The following INVS variants were observed in gnomAD, a reference collection of about 807,000 sequenced individuals.
INVS encodes inversion of embryo turning homolog.
In INVS, 86 loss-of-function variants were observed where a neutral mutation model predicts 108.8. That is an observed-to-expected ratio of 0.79 (90% CI 0.66 to 0.95). The LOEUF is 0.95. INVS is among the 40% of genes least tolerant of loss of function. INVS has a pLI of 0.00. For missense variants in INVS, 1,169 were observed against 1,297.4 expected (o/e 0.90, Z 1.52); for synonymous variants, 455 against 473.5 (o/e 0.96, Z 0.51).
intron 3 of INVS, among the ~76,000 whole-genome samples, chr9:100,143,074 G>C (rs370293568): frequency 6.6e-6 from 1 of 152,208 alleles, no homozygotes; most frequent in East Asian, 1.9e-4. Context: ...CAGCAGTACA[G>C]CCTAAGTAAT....
At chr9:100,208,755 A>G (rs2118283062) in intron 3 of INVS, among the ~76,000 whole-genome samples, 1 of 152,334 alleles carries the variant, frequency 6.6e-6, no homozygotes, top group Admixed American at 6.5e-5. Context: ...TTGCAGTGTC[A>G]CTGAGAAGGC....
At chr9:100,179,023 A>G (rs12379553) in intron 3 of INVS, among the ~76,000 whole-genome samples, 29,361 of 152,158 alleles carry the variant, frequency 0.19, 4,518 homozygotes, top group African/African-American at 0.43. Flanking sequence ...ACAGAATTTC[A>G]TATCCAGCCA....
chr9:100,234,295 T>C (rs1831610228), intron 5 of INVS, among the ~76,000 whole-genome samples: 1 of 152,200 alleles, frequency 6.6e-6, no homozygotes, highest in African/African-American at 2.4e-5. Flanking sequence ...TCTATTTTGT[T>C]AGTCTTTTCA....
chr9:100,262,078 G>A (rs1211880304), intron 10 of INVS, among the ~76,000 whole-genome samples: 3 of 151,258 alleles, frequency 2.0e-5, no homozygotes, highest in Non-Finnish European at 4.4e-5. Flanking sequence ...CATTTCTGGA[G>A]TAAGCCCCAT....
At chr9:100,294,321 T>C (rs1833724394) in intron 14 of INVS, among the ~76,000 whole-genome samples, 1 of 152,090 alleles carries the variant, frequency 6.6e-6, no homozygotes. Flanking sequence ...CTCCTTAACA[T>C]TGGCAGGGAG....
In INVS at chr9:100,229,811, C is replaced by T; in HGVS notation, c.599C>T (p.Thr200Ile). The change falls in exon 5 of 17, where the codon ACA (threonine) becomes ATA (isoleucine). Residue 200 changes from threonine (T) to isoleucine (I), a missense_variant. Physicochemically the swap from Thr to Ile is moderately conservative, Grantham distance 89 (BLOSUM62 -1). This residue lies in a region of INVS where 365 missense variants were observed against 397.5 expected (regional missense o/e 0.92). Transcript: ENST00000262457. The part of the protein sequence containing the change: ...ANHKDPSAVH[T>I]VRCILDAAPT... Reference sequence around the variant, plus strand: ...CATAAAGATCCAAGTGCTGTTCACACAGTGAGATGCATTCTGGTGAGTTGA... The same window carrying T: ...CATAAAGATCCAAGTGCTGTTCACATAGTGAGATGCATTCTGGTGAGTTGA... 1 of 1,614,096 alleles carries T rather than the reference C, an allele frequency of 6.2e-7. No individual in the cohort carries two copies. The highest frequency in any genetic ancestry group is 1.1e-5 in the South Asian group (1 of 91,078).
At chr9:100,160,954 CAAAAAAAAAAAA>C (rs34945084) in intron 3 of INVS, among the ~76,000 whole-genome samples, 2 of 72,648 alleles carry the variant, frequency 2.8e-5, no homozygotes, top group East Asian at 5.8e-4. Context: ...GACTCTGTCT[CAAAAAAAAAAAA>C]AAAAAAAAAA....
intron 3 of INVS, among the ~76,000 whole-genome samples, chr9:100,179,953 T>G (rs1416108597): frequency 6.6e-6 from 1 of 152,132 alleles, no homozygotes; most frequent in Non-Finnish European, 1.5e-5. Flanking sequence ...CAGACCACAG[T>G]GCAATCAAAT....
chr9:100,274,086 G>A (rs755982364), intron 12 of INVS, among the ~76,000 whole-genome samples: 16 of 152,058 alleles, frequency 1.1e-4, no homozygotes, highest in Non-Finnish European at 1.8e-4. Flanking sequence ...AGCTGGGTGC[G>A]GTGGCTCACA....
At chr9:100,159,315 A>T (rs965378148) in intron 3 of INVS, among the ~76,000 whole-genome samples, 2 of 152,202 alleles carry the variant, frequency 1.3e-5, no homozygotes, top group Non-Finnish European at 2.9e-5. Context: ...ATCAGAATTA[A>T]TTTTCAAAGG....
At chr9:100,193,177 G>A (rs980306923) in intron 3 of INVS, among the ~76,000 whole-genome samples, 7 of 151,768 alleles carry the variant, frequency 4.6e-5, no homozygotes, top group African/African-American at 1.7e-4. Flanking sequence ...ATGGGGTGTC[G>A]CTATGTTGCC....
In INVS at chr9:100,100,807, AT is replaced by A. The variant is rs1435482260; in HGVS notation, c.-25+1392del. Among the ~76,000 whole-genome samples the A allele has an allele frequency of 3.5e-3, 114 of 32,782 alleles. 13 individuals are homozygous for A. The highest frequency in any genetic ancestry group is 5.0e-3 in the Non-Finnish European group (101 of 20,244). 21.5% of individuals were successfully genotyped at this position (32,782 alleles called of 152,430 possible). A position where few individuals can be genotyped will look rare whatever the true frequency, so the allele number is the denominator to read the frequency against. On this transcript the variant is annotated intron_variant, in intron 1 of 16. Transcript: ENST00000262457. ...TATATTATATATATAATATATGTAT[AT>A]ATAATATATATAATATATGTATATA...
intron 3 of INVS, among the ~76,000 whole-genome samples, chr9:100,209,858 C>T (rs989243101): frequency 6.6e-6 from 1 of 151,190 alleles, no homozygotes; most frequent in African/African-American, 2.4e-5. Context: ...CTGCACTTTT[C>T]GTCATCGAGT....
chr9:100,125,378 TAGAG>T (rs1444718411), intron 2 of INVS, among the ~76,000 whole-genome samples: 5 of 152,186 alleles, frequency 3.3e-5, no homozygotes, highest in Admixed American at 6.5e-5. Context: ...GTCTTTTTAC[TAGAG>T]AGAGTAGACT....
chr9:100,149,949 T>C (rs1828756236), intron 3 of INVS, among the ~76,000 whole-genome samples: 1 of 152,200 alleles, frequency 6.6e-6, no homozygotes, highest in South Asian at 2.1e-4. Flanking sequence ...GATTTGCTGA[T>C]TCTCATCTTA....
chr9:100,174,119 A>G (rs979961381), intron 3 of INVS, among the ~76,000 whole-genome samples: 4 of 152,250 alleles, frequency 2.6e-5, no homozygotes, highest in African/African-American at 4.8e-5. Context: ...AGAAAAAGTA[A>G]CAATGGAGAA....
intron 3 of INVS, among the ~76,000 whole-genome samples, chr9:100,129,335 T>C (rs1447831466): frequency 2.7e-5 from 4 of 150,802 alleles, no homozygotes; most frequent in African/African-American, 7.3e-5. Context: ...CACACACACA[T>C]ACACACACAC....
At chr9:100,191,191 G>A (rs1288899049) in intron 3 of INVS, among the ~76,000 whole-genome samples, 2 of 152,098 alleles carry the variant, frequency 1.3e-5, no homozygotes, top group Admixed American at 6.6e-5. Flanking sequence ...TCTCCCAGGA[G>A]TTCTTTCAGT....
At chr9:100,164,490 C>T (rs1829296285) in intron 3 of INVS, among the ~76,000 whole-genome samples, 1 of 152,018 alleles carries the variant, frequency 6.6e-6, no homozygotes, top group South Asian at 2.1e-4. Flanking sequence ...TAAAATGACC[C>T]TCCATGTATC....
Sources: gnomAD v4.1 joint callset for allele counts (sites outside exome capture counted in the v4.1 genomes callset) on GRCh38, gnomAD v4.1.1 for gene constraint, gnomAD v4.1.1 regional missense constraint, MANE v1.5 for transcripts, NCBI Gene and HGNC (gene_info 2026-07-23, HGNC 2026-07-21) for gene names.